Variants in EVI5L observed in about 807,000 individuals in gnomAD.
EVI5L encodes EVI5-like protein.
Under a neutral mutation model 106.1 loss-of-function variants are expected in EVI5L, and 30 were observed. That is an observed-to-expected ratio of 0.28 (90% CI 0.21 to 0.38). The LOEUF (loss-of-function observed/expected upper bound fraction) is 0.38, where lower values mean the gene tolerates loss of function less well. Among genes scored for constraint, EVI5L ranks in the 10% least tolerant of loss-of-function variants. The pLI, the probability that EVI5L is intolerant of heterozygous loss-of-function variation, is 1.00. For missense variants in EVI5L, 809 were observed against 1,098.0 expected, an observed-to-expected ratio of 0.74 and a Z score of 3.72; for synonymous variants, 489 against 483.3, an observed-to-expected ratio of 1.01 and a Z score of -0.15.
intron 1 of EVI5L, among the ~76,000 whole-genome samples, chr19:7,843,508 TGA>T (rs1978796602): frequency 6.9e-6 from 1 of 144,096 alleles, no homozygotes; most frequent in South Asian, 2.2e-4. Flanking sequence ...TATAGGTGTA[TGA>T]GTGTGTGTGA....
chr19:7,859,207 A>T (rs1417579859), intron 13 of EVI5L: 1 of 151,842 alleles, frequency 6.6e-6, no homozygotes, highest in Non-Finnish European at 1.5e-5. Flanking sequence ...AAAAAAAAAA[A>T]AAACTTAACT....
chr19:7,853,210 A>G, intron 9 of EVI5L, 27 bp downstream of exon 9: 1 of 1,613,958 alleles, frequency 6.2e-7, no homozygotes, highest in Non-Finnish European at 8.5e-7. Context: ...CAACCAGGGT[A>G]CTGGTAAGAA....
chr19:7,841,437 G>A (rs1253658310), intron 1 of EVI5L, among the ~76,000 whole-genome samples: 1 of 151,920 alleles, frequency 6.6e-6, no homozygotes, highest in Non-Finnish European at 1.5e-5. Flanking sequence ...AGGGAAGGAG[G>A]AAGCATGCGC....
Position 7,862,166 on chromosome 19 carries a change from G to A in EVI5L, c.1689G>A (p.Lys563=). ...RGGRWKESPR[K]LVVGELQDEL... ...GCCGCTGGAAGGAGTCCCCACGGAA[G>A]CTGGTCGTGGGCGAGCTGCAGGACG... The change falls in exon 16 of 20, where the codon AAG becomes AAA. Residue 563 remains lysine, a synonymous_variant. Transcript: ENST00000538904. The A allele has an allele frequency of 1.3e-6, 2 of 1,577,148 alleles. No homozygotes were observed. Among genetic ancestry groups the A allele is most frequent in the Non-Finnish European group, 1.7e-6 (2 of 1,166,038 alleles).
rs1219812413 is a variant in EVI5L, at chr19:7,849,036, C to T, written c.443C>T (p.Ser148Leu). 1.2e-6 allele frequency: 2 copies of T among 1,613,626 alleles called. No homozygotes were observed. The highest frequency in any genetic ancestry group is 1.7e-6 in the Non-Finnish European group (2 of 1,180,002). Residue 148 changes from serine to leucine, a missense_variant, in exon 4 of 20, where the codon TCG (serine) becomes TTG (leucine). By Grantham distance (145) the Ser-to-Leu change is moderately radical. Around this residue, in one of 2 missense-constraint regions of EVI5L, gnomAD observed 357 missense variants for 588.1 expected, o/e 0.61. Coordinates refer to ENST00000538904, the MANE Select transcript of EVI5L (RefSeq NM_001159944.3). ...TACTCCGAGCTGCTCAAGATGTCCT[C>T]GCCGTGCGAGAAGCTGATCCGCAGG... ...NQYSELLKMS[S>L]PCEKLIRRDI...
In EVI5L at chr19:7,863,351, C is replaced by T. The variant is rs1979946646; in HGVS notation, c.2139+71C>T. On this transcript the variant is annotated intron_variant, in intron 19 of 19. Transcript: ENST00000538904. This position sits in a 1 kb window ranked among gnomAD's most constrained non-coding sequence, Gnocchi z 7.7. ...CCTGGGACGAGCCGAGCGCAGGTGC[C>T]TTGCGGAGGATGCGGCTGGGAGGGC... 3 of 1,543,736 alleles carry T rather than the reference C, an allele frequency of 1.9e-6. No homozygotes were observed. The highest frequency in any genetic ancestry group is 2.6e-6 in the Non-Finnish European group (3 of 1,143,678).
rs375674135 is a variant in EVI5L, at chr19:7,863,073, C to T, written c.2043+6C>T. ...TTGCCGAGCTGGAGATCCAGGTGAT[C>T]GGCGGGGCCGGGGTCGGGGGGCGGG... On this transcript the variant is annotated splice_donor_region_variant and intron_variant, in intron 18 of 19. Coordinates refer to ENST00000538904, the MANE Select transcript of EVI5L (RefSeq NM_001159944.3). This position sits in a 1 kb window ranked among gnomAD's most constrained non-coding sequence, Gnocchi z 7.7. 7.7e-5 allele frequency: 97 copies of T among 1,265,642 alleles called. No individual in the cohort carries two copies. The highest frequency in any genetic ancestry group is 1.0e-4 in the Non-Finnish European group (92 of 913,340). 78.4% of individuals were successfully genotyped at this position (1,265,642 alleles called of 1,614,324 possible). A position where few individuals can be genotyped will look rare whatever the true frequency, so the allele number is the denominator to read the frequency against.
Position 7,857,416 on chromosome 19 carries a change from G to A in EVI5L, c.1233+292G>A, listed in dbSNP as rs1383853946. The A allele has an allele frequency of 1.7e-6, 1 of 576,622 alleles. No homozygotes were observed. Among genetic ancestry groups the A allele is most frequent in the African/African-American group, 1.9e-5 (1 of 53,302 alleles). The allele number at this position is 576,622 out of a possible 1,614,324, so 35.7% of individuals were successfully genotyped here. A position where few individuals can be genotyped will look rare whatever the true frequency, so the allele number is the denominator to read the frequency against. ...CGACACAGGGTGGGGACCCAGGAGGGCTGGGGAACCTAAAACCATATTCAC... is the reference window on the plus strand; with the variant it reads ...CGACACAGGGTGGGGACCCAGGAGGACTGGGGAACCTAAAACCATATTCAC... On this transcript the variant is annotated intron_variant, in intron 12 of 19. Transcript: ENST00000538904. The surrounding 1 kb of genome is among the most constrained non-coding windows in gnomAD (Gnocchi z 4.5).
rs1978962647 is a variant in EVI5L, at chr19:7,846,596, C to A, written c.54C>A (p.Ala18=). 1.9e-6 allele frequency: 3 copies of A among 1,613,710 alleles called. No homozygotes were observed. The African/African-American group carries it at 4.0e-5, about 22-fold the overall frequency. ...PDSSSQEALS[A]PTCSPTSDSE... ...CCTCATCCCAGGAGGCCCTGTCGGC[C>A]CCCACCTGCTCCCCAACCTCTGACT... The change falls in exon 2 of 20, where the codon GCC becomes GCA. Residue 18 remains alanine (A), a synonymous_variant. Coordinates refer to ENST00000538904, the MANE Select transcript of EVI5L (RefSeq NM_001159944.3).
At chr19:7,843,836 C>T (rs1978824142) in intron 1 of EVI5L, among the ~76,000 whole-genome samples, 1 of 151,946 alleles carries the variant, frequency 6.6e-6, no homozygotes, top group African/African-American at 2.4e-5. Context: ...GTTGTGCGTG[C>T]ACACACGCTT....
In EVI5L at chr19:7,863,533, T is replaced by C; in HGVS notation, c.2249T>C (p.Leu750Pro). The C allele has an allele frequency of 1.3e-6, 2 of 1,598,774 alleles. No individual in the cohort carries two copies. Among genetic ancestry groups the C allele is most frequent in the Non-Finnish European group, 1.7e-6 (2 of 1,173,604 alleles). ...EDSLPSSDEE[L>P]LGVGVGAALQ... ...TCGCTGCCGTCGTCGGACGAGGAGC[T>C]ACTTGGCGTAGGCGTGGGCGCTGCC... The change falls in exon 20 of 20, where the codon CTA (leucine) becomes CCA (proline). Residue 750 changes from leucine to proline, a missense_variant. Around this residue, in one of 2 missense-constraint regions of EVI5L, gnomAD observed 452 missense variants for 509.9 expected, o/e 0.89. Transcript: ENST00000538904. The surrounding 1 kb of genome is among the most constrained non-coding windows in gnomAD (Gnocchi z 7.7).
At chr19:7,853,476 C>T in intron 10 of EVI5L, 143 bp downstream of exon 10, 1 of 1,113,126 alleles carries the variant, frequency 9.0e-7, no homozygotes, top group Non-Finnish European at 1.3e-6. Context: ...GGCCTCCGCC[C>T]ACCTGCGCCG....
At chr19:7,853,981 T>G (rs1461615742) in intron 10 of EVI5L, among the ~76,000 whole-genome samples, 5 of 152,128 alleles carry the variant, frequency 3.3e-5, no homozygotes, top group African/African-American at 4.8e-5. Flanking sequence ...TTTTAGTTAT[T>G]TACTCAACAA....
chr19:7,849,965 C>A, intron 5 of EVI5L, 32 bp from the exon 6 acceptor site: 1 of 1,562,018 alleles, frequency 6.4e-7, no homozygotes. Flanking sequence ...GCTGCGCTGC[C>A]CTGAGCCCCC....
Position 7,850,661 on chromosome 19 carries a change from G to A in EVI5L, c.753+539G>A, listed in dbSNP as rs1053704086. ...CGCCTCAGCTGCCATGGCAGGTGGG[G>A]CTGTGCAGTCATCCCTGGATGTGAC... is the stretch of plus-strand genomic sequence containing the variant. On this transcript the variant is annotated intron_variant, in intron 6 of 19. Transcript: ENST00000538904. The surrounding 1 kb of genome is among the most constrained non-coding windows in gnomAD (Gnocchi z 5.4). Among the ~76,000 whole-genome samples the A allele has an allele frequency of 6.6e-6, 1 of 152,162 alleles. No individual in the cohort carries two copies. The highest frequency in any genetic ancestry group is 2.4e-5 in the African/African-American group (1 of 41,438).
chr19:7,838,973 G>A (rs1435128097), intron 1 of EVI5L, among the ~76,000 whole-genome samples: 1 of 151,212 alleles, frequency 6.6e-6, no homozygotes, highest in Non-Finnish European at 1.5e-5. Flanking sequence ...TCCAGCCTGG[G>A]AGACAGAGCA....
chr19:7,862,899 G>T (rs1193408027), intron 17 of EVI5L, 73 bp from the exon 18 acceptor site: 16 of 1,114,574 alleles, frequency 1.4e-5, no homozygotes, highest in Non-Finnish European at 2.0e-5. Context: ...ATTCGCCCCT[G>T]CCCGCGGTCC....
chr19:7,858,659 A>C lies in EVI5L; in HGVS notation c.1374+328A>C. 5 of 342,436 alleles carry C rather than the reference A, an allele frequency of 1.5e-5. No homozygotes were observed. Among genetic ancestry groups the C allele is most frequent in the South Asian group, 4.0e-5 (1 of 24,940 alleles). The allele number at this position is 342,436 out of a possible 1,614,324, so 21.2% of individuals were successfully genotyped here. A position where few individuals can be genotyped will look rare whatever the true frequency, so the allele number is the denominator to read the frequency against. ...GTCACAGGCAGCAGACAGGGCTGTG[A>C]CTCCTTACGGAGGCTCTTGCCTGTC... On this transcript the variant is annotated intron_variant, in intron 13 of 19. Transcript: ENST00000538904. This position sits in a 1 kb window ranked among gnomAD's most constrained non-coding sequence, Gnocchi z 5.7.
Position 7,849,097 on chromosome 19 carries a change from C to A in EVI5L, c.504C>A (p.Phe168Leu). ...IARTYPEHEF[F>L]KGQDSLGQEV... ...GCACCTACCCGGAACATGAGTTCTTCAAGGGCCAGGACAGCCTGGGCCAGG... is the reference window on the plus strand; with the variant it reads ...GCACCTACCCGGAACATGAGTTCTTAAAGGGCCAGGACAGCCTGGGCCAGG... Residue 168 changes from phenylalanine (F) to leucine (L), a missense_variant, in exon 4 of 20, where the codon TTC becomes TTA. This residue lies in a region of EVI5L where 357 missense variants were observed against 588.1 expected (regional missense o/e 0.61). Coordinates refer to ENST00000538904, the MANE Select transcript of EVI5L (RefSeq NM_001159944.3). 2 of 1,610,266 alleles carry A rather than the reference C, an allele frequency of 1.2e-6. No homozygotes were observed. Among genetic ancestry groups the A allele is most frequent in the Non-Finnish European group, 1.7e-6 (2 of 1,178,344 alleles).
Sources: allele counts gnomAD v4.1 joint callset (sites outside exome capture counted in the v4.1 genomes callset), GRCh38; gene constraint gnomAD v4.1.1; regional missense constraint gnomAD v4.1.1; non-coding constraint Gnocchi (gnomAD v3.1); transcripts MANE v1.5; gene names NCBI Gene and HGNC (gene_info 2026-07-23, HGNC 2026-07-21).